Variants in LARGE1 observed in about 807,000 individuals in gnomAD.
LARGE1 encodes the protein xylosyl- and glucuronyltransferase LARGE1.
LARGE1 carries 43 observed loss-of-function variants against 87.6 expected under a neutral mutation model. The ratio of observed to expected loss-of-function variants is 0.49; its 90% CI spans 0.38 to 0.63. LARGE1 has a LOEUF of 0.63. LARGE1 is among the 30% of genes least tolerant of loss of function. The pLI is 0.00. For synonymous variants in LARGE1, 434 were observed against 394.6 expected (o/e 1.10, Z -1.18); for missense variants, 802 against 1,000.2 (o/e 0.80, Z 2.67).
At chr22:33,828,880 C>T (rs5749677) in intron 1 of LARGE1, among the ~76,000 whole-genome samples, 48,896 of 151,998 alleles carry the variant, frequency 0.32, 8,131 homozygotes, top group South Asian at 0.53. Context: ...AATCAAGGTC[C>T]GTGTACTTGC....
intron 6 of LARGE1, among the ~76,000 whole-genome samples, chr22:33,490,409 G>A (rs2069782008): frequency 6.6e-6 from 1 of 152,064 alleles, no homozygotes; most frequent in African/African-American, 2.4e-5. Context: ...ATGAAATAGT[G>A]CAATTTAAAT....
At chr22:33,166,124 A>G (rs1922253037) in exon 12 of LARGE1, 1 of 152,262 alleles carries the variant, frequency 6.6e-6, no homozygotes, top group African/African-American at 2.4e-5. Flanking sequence ...AGAAATTAAT[A>G]AACTGTGAAA....
At chr22:33,305,844 C>CA (rs1555892582) in intron 11 of LARGE1, among the ~76,000 whole-genome samples, 1 of 136,894 alleles carries the variant, frequency 7.3e-6, no homozygotes, top group Non-Finnish European at 1.5e-5. Flanking sequence ...TTTTCTTTTT[C>CA]TTTTTTTTTT....
At chr22:33,899,958 CTTAT>C (rs1317875785) in intron 1 of LARGE1, among the ~76,000 whole-genome samples, 2 of 152,130 alleles carry the variant, frequency 1.3e-5, no homozygotes, top group African/African-American at 2.4e-5. Context: ...TTGTTTTTGG[CTTAT>C]TTGTTTTGTA....
At chr22:33,233,848 A>G (rs1926126945) in intron 11 of LARGE1, among the ~76,000 whole-genome samples, 1 of 152,196 alleles carries the variant, frequency 6.6e-6, no homozygotes, top group South Asian at 2.1e-4. Context: ...ACTTGTAGAT[A>G]GTGTTTTCTC....
intron 2 of LARGE1, among the ~76,000 whole-genome samples, chr22:33,668,092 A>AT (rs2081315764): frequency 6.6e-6 from 1 of 152,146 alleles, no homozygotes; most frequent in Non-Finnish European, 1.5e-5. Context: ...ACAACTTATT[A>AT]TTTTTTATAG....
In LARGE1 at chr22:33,900,629, G is replaced by A. The variant is rs149535956; in HGVS notation, c.-83+19366C>T. 3.6e-3 allele frequency among the ~76,000 whole-genome samples: 541 copies of A among 152,330 alleles called. 8 individuals are homozygous for A. Among genetic ancestry groups the A allele is most frequent in the African/African-American group, 0.012 (513 of 41,582 alleles). ...GAAATAATCCCCCAAAAGACATGAGGAAGTCCTAACCCCTGGTACCTCAAA... is the reference window on the plus strand; with the variant it reads ...GAAATAATCCCCCAAAAGACATGAGAAAGTCCTAACCCCTGGTACCTCAAA... On this transcript the variant is annotated intron_variant, in intron 1 of 14. Coordinates refer to ENST00000397394, the MANE Select transcript of LARGE1 (RefSeq NM_133642.5).
intron 6 of LARGE1, among the ~76,000 whole-genome samples, chr22:33,511,914 G>C (rs1231033326): frequency 6.6e-6 from 1 of 152,192 alleles, no homozygotes; most frequent in Non-Finnish European, 1.5e-5. Context: ...TGGGACTGTA[G>C]CATATCTTCT....
At chr22:33,305,623 C>T (rs1934774330) in intron 11 of LARGE1, 27 of 984,808 alleles carry the variant, frequency 2.7e-5, no homozygotes, top group Non-Finnish European at 3.3e-5. Context: ...CATTTCCATG[C>T]TTCTAAACAA....
chr22:33,799,529 C>T (rs113045928), intron 1 of LARGE1, among the ~76,000 whole-genome samples: 10,898 of 152,204 alleles, frequency 0.072, 508 homozygotes, highest in Admixed American at 0.11. Flanking sequence ...CAACCTCCCC[C>T]TCCTGGGTTC....
intron 7 of LARGE1, among the ~76,000 whole-genome samples, chr22:33,400,200 A>C (rs940121862): frequency 1.3e-5 from 2 of 152,252 alleles, no homozygotes; most frequent in African/African-American, 4.8e-5. Context: ...CTGCAGTTAC[A>C]GTAGTTATTA....
chr22:33,355,103 A>C (rs561397466), intron 9 of LARGE1, among the ~76,000 whole-genome samples: 14 of 152,314 alleles, frequency 9.2e-5, no homozygotes, highest in African/African-American at 3.1e-4. Flanking sequence ...TGTGACCCAT[A>C]GTTTAAATTC....
At chr22:33,892,122 T>C (rs2065021364) in intron 1 of LARGE1, among the ~76,000 whole-genome samples, 1 of 152,216 alleles carries the variant, frequency 6.6e-6, no homozygotes, top group African/African-American at 2.4e-5. Flanking sequence ...GTCTGAATCA[T>C]GTTAGCAACC....
At chr22:33,379,972 C>T (rs556177509) in intron 9 of LARGE1, among the ~76,000 whole-genome samples, 3 of 152,300 alleles carry the variant, frequency 2.0e-5, no homozygotes, top group Non-Finnish European at 2.9e-5. Flanking sequence ...TAATACCAGG[C>T]TCACCTTTAA....
rs190631738 is a variant in LARGE1, at chr22:33,447,464, T to C, written c.788-15199A>G. ...GAGGTGAGAGTGCTTGTCTCCCCTG[T>C]GATCCACATAAGGGCTTGAGCCCGG... is the stretch of plus-strand genomic sequence containing the variant. On this transcript the variant is annotated intron_variant, in intron 6 of 14. Transcript: ENST00000397394. Among the ~76,000 whole-genome samples the C allele has an allele frequency of 2.9e-3, 443 of 152,294 alleles. 3 individuals carry two copies. Among genetic ancestry groups the C allele is most frequent in the South Asian group, 0.017 (84 of 4,830 alleles).
At chr22:33,803,508 G>A (rs947370399) in intron 1 of LARGE1, among the ~76,000 whole-genome samples, 2 of 152,282 alleles carry the variant, frequency 1.3e-5, no homozygotes, top group South Asian at 4.1e-4. Context: ...AGGAGGTGAG[G>A]TTCAACAATT....
intron 1 of LARGE1, among the ~76,000 whole-genome samples, chr22:33,769,986 A>G (rs998712147): frequency 5.9e-5 from 9 of 152,242 alleles, no homozygotes; most frequent in Non-Finnish European, 1.2e-4. Flanking sequence ...TAAGAACAGC[A>G]TATTTCAGCC....
rs201987543 is a variant in LARGE1 at position 33,323,928 on chromosome 22, G to A, written c.1288-7680C>T. 1.1e-4 allele frequency among the ~76,000 whole-genome samples: 17 copies of A among 152,240 alleles called. No individual in the cohort carries two copies. In the East Asian group the frequency reaches 2.7e-3, roughly 24 times the overall value. ...ATGTTATCTCAATGGGGAGACTCTAGCAGTTTAGAAACTGCCTCCTTGGCC... is the reference window on the plus strand; with the variant it reads ...ATGTTATCTCAATGGGGAGACTCTAACAGTTTAGAAACTGCCTCCTTGGCC... On this transcript the variant is annotated intron_variant, in intron 10 of 14. Coordinates refer to ENST00000397394, the MANE Select transcript of LARGE1 (RefSeq NM_133642.5).
intron 11 of LARGE1, among the ~76,000 whole-genome samples, chr22:33,239,646 C>G (rs143102463): frequency 0.023 from 3,234 of 140,444 alleles, 94 homozygotes; most frequent in African/African-American, 0.08. Context: ...TCAAGTGATT[C>G]TCCTGCCTCG....
Sources: gnomAD v4.1 joint callset for allele counts (sites outside exome capture counted in the v4.1 genomes callset) on GRCh38, gnomAD v4.1.1 for gene constraint, MANE v1.5 for transcripts, NCBI Gene and HGNC (gene_info 2026-07-23, HGNC 2026-07-21) for gene names.